The following CUX1 variants were observed in gnomAD, a reference collection of about 807,000 sequenced individuals.
CUX1 encodes cut like homeobox 1, also known as protein CASP.
CUX1 carries 31 observed loss-of-function variants against 158.8 expected under a neutral mutation model. The ratio of observed to expected loss-of-function variants is 0.20; its 90% CI spans 0.15 to 0.26. The LOEUF is 0.26. CUX1 is among the 10% of genes least tolerant of loss of function. CUX1 has a pLI of 1.00. For missense variants in CUX1, 1,589 were observed against 2,014.6 expected (o/e 0.79, Z 4.04); for synonymous variants, 879 against 862.1 (o/e 1.02, Z -0.34).
intron 2 of CUX1, among the ~76,000 whole-genome samples, chr7:102,010,415 A>C (rs1817863581): frequency 6.6e-6 from 1 of 151,856 alleles, no homozygotes; most frequent in Non-Finnish European, 1.5e-5. Flanking sequence ...AAAAAAAAAA[A>C]AACTGACTTG....
downstream of CUX1, among the ~76,000 whole-genome samples, chr7:102,258,681 G>A (rs1734730): frequency 0.21 from 32,137 of 152,142 alleles, 3,508 homozygotes; most frequent in South Asian, 0.29. Context: ...GATGGCACTT[G>A]GGCGACCAGG....
Position 102,035,652 on chromosome 7 carries a change from CAAAAAA to C in CUX1, c.189+7520_189+7525del, listed in dbSNP as rs10699446. On this transcript the variant is annotated intron_variant, in intron 3 of 23. Coordinates refer to ENST00000292535, the MANE Select transcript of CUX1 (RefSeq NM_181552.4). ...AAGGATACTACTGGAGATAGCCAGCCAAAAAAAAAAAAAAAAAACTATAGCTAGAAA... is the reference window on the plus strand; with the variant it reads ...AAGGATACTACTGGAGATAGCCAGCCAAAAAAAAAAAACTATAGCTAGAAA... Among the ~76,000 whole-genome samples, 5 of 90,654 alleles carry C rather than the reference CAAAAAA, an allele frequency of 5.5e-5. No individual in the cohort carries two copies. The South Asian group carries it at 1.3e-3, about 23-fold the overall frequency. The allele number at this position is 90,654 out of a possible 152,430, so 59.5% of individuals were successfully genotyped here. A position where few individuals can be genotyped will look rare whatever the true frequency, so the allele number is the denominator to read the frequency against.
chr7:102,056,592 G>C (rs1824158217), intron 3 of CUX1, among the ~76,000 whole-genome samples: 3 of 152,226 alleles, frequency 2.0e-5, no homozygotes, highest in Non-Finnish European at 4.4e-5. Context: ...TCTTTTCTGA[G>C]ACAGTCTTGC....
chr7:102,163,348 A>G (rs1790668015), intron 9 of CUX1, among the ~76,000 whole-genome samples: 1 of 150,572 alleles, frequency 6.6e-6, no homozygotes, highest in Admixed American at 6.6e-5. Flanking sequence ...AAAAAAAAAT[A>G]GCCAGGTGTG....
chr7:102,216,748 C>T (rs571573651), intron 20 of CUX1, among the ~76,000 whole-genome samples: 91 of 133,732 alleles, frequency 6.8e-4, no homozygotes, highest in Non-Finnish European at 5.5e-4. Context: ...ACACACACTT[C>T]TGCACACACA....
chr7:101,914,778 C>T (rs1042367771), intron 1 of CUX1, among the ~76,000 whole-genome samples: 2 of 152,076 alleles, frequency 1.3e-5, no homozygotes, highest in Non-Finnish European at 1.5e-5. Context: ...GGATTACAGG[C>T]GTGAGCCACC....
intron 8 of CUX1, among the ~76,000 whole-genome samples, chr7:102,148,109 C>T (rs1417133707): frequency 4.6e-5 from 7 of 152,094 alleles, no homozygotes; most frequent in African/African-American, 1.7e-4. Context: ...GACTTTGAGA[C>T]GGGAATAAAT....
At chr7:102,185,710 T>C (rs1004222653) in intron 11 of CUX1, among the ~76,000 whole-genome samples, 1 of 152,014 alleles carries the variant, frequency 6.6e-6, no homozygotes, top group Non-Finnish European at 1.5e-5. Flanking sequence ...TGTTGAGTCT[T>C]ATCTAGGTTC....
chr7:102,228,896 G>C (rs1798639058), intron 21 of CUX1, among the ~76,000 whole-genome samples: 2 of 152,156 alleles, frequency 1.3e-5, no homozygotes. Context: ...CTTAGTGGAA[G>C]GTCTAACGGA....
intron 2 of CUX1, among the ~76,000 whole-genome samples, chr7:101,988,299 A>G (rs1814601331): frequency 6.6e-6 from 1 of 152,102 alleles, no homozygotes; most frequent in African/African-American, 2.4e-5. Context: ...GCTGGTGTCA[A>G]CCCACTTTGG....
At chr7:101,903,033 G>T (rs190335157) in intron 1 of CUX1, among the ~76,000 whole-genome samples, 1 of 152,150 alleles carries the variant, frequency 6.6e-6, no homozygotes, top group Non-Finnish European at 1.5e-5. Context: ...CCTGTTTCCC[G>T]GGCATTTGTT....
At chr7:101,844,453 T>C (rs929019491) in intron 1 of CUX1, among the ~76,000 whole-genome samples, 1 of 152,028 alleles carries the variant, frequency 6.6e-6, no homozygotes, top group Non-Finnish European at 1.5e-5. Context: ...AAATTCTTTT[T>C]CTTCAACACC....
intron 23 of CUX1, among the ~76,000 whole-genome samples, chr7:102,247,106 A>T (rs2132597392): frequency 6.6e-6 from 1 of 152,186 alleles, no homozygotes. Context: ...AGGCAGGAGG[A>T]TCACCTGAGC....
At chr7:101,833,711 T>A (rs1794313713) in intron 1 of CUX1, among the ~76,000 whole-genome samples, 1 of 151,978 alleles carries the variant, frequency 6.6e-6, no homozygotes, top group Non-Finnish European at 1.5e-5. Flanking sequence ...GGAGGCCAAG[T>A]CCAGGGCTCT....
At chr7:101,918,272 G>T (rs564944201) in intron 2 of CUX1, among the ~76,000 whole-genome samples, 1 of 152,278 alleles carries the variant, frequency 6.6e-6, no homozygotes, top group South Asian at 2.1e-4. Flanking sequence ...TCCCTCCATC[G>T]TGCCTTGTGT....
At position 102,252,048 on chromosome 7, in the gene CUX1, C is replaced by CAATTGT; in HGVS notation, c.*3007_*3008insATTGTA. ...CATTCTGTCTTTTTTGCCAGACTTA[C>CAATTGT]ATCTGGTGCCAGATACAATCAGTTG... On this transcript the variant is annotated 3_prime_UTR_variant, in exon 24 of 24. Coordinates refer to ENST00000292535, the MANE Select transcript of CUX1 (RefSeq NM_181552.4). 1.0e-6 allele frequency: 1 copy of CAATTGT among 985,414 alleles called. No individual in the cohort carries two copies. The highest frequency in any genetic ancestry group is 1.2e-6 in the Non-Finnish European group (1 of 829,928). 61.0% of individuals were successfully genotyped at this position (985,414 alleles called of 1,614,324 possible).
intron 1 of CUX1, among the ~76,000 whole-genome samples, chr7:101,900,942 A>G (rs1313125173): frequency 2.6e-5 from 4 of 152,226 alleles, no homozygotes; most frequent in Non-Finnish European, 5.9e-5. Context: ...GAATCTAACA[A>G]TGATAACTAC....
chr7:101,956,965 A>G (rs968764461), intron 2 of CUX1, among the ~76,000 whole-genome samples: 2 of 152,168 alleles, frequency 1.3e-5, no homozygotes, highest in African/African-American at 2.4e-5. Flanking sequence ...AAAAAAAGAA[A>G]TGTGGCCAAA....
chr7:101,852,667 ATTTTTTTTTTTTT>A (rs71106571), intron 1 of CUX1, among the ~76,000 whole-genome samples: 1 of 76,042 alleles, frequency 1.3e-5, no homozygotes. Context: ...CTGCGTTGGA[ATTTTTTTTTTTTT>A]TTTTTTTTTT....
Sources: allele counts gnomAD v4.1 joint callset (sites outside exome capture counted in the v4.1 genomes callset), GRCh38; gene constraint gnomAD v4.1.1; transcripts MANE v1.5; gene names NCBI Gene and HGNC (gene_info 2026-07-23, HGNC 2026-07-21).